The following PBX4 variants were observed in gnomAD, a reference collection of about 807,000 sequenced individuals.
PBX4 encodes PBX homeobox 4.
PBX4 carries 26 observed loss-of-function variants against 35.1 expected under a neutral mutation model. The ratio of observed to expected loss-of-function variants is 0.74; its 90% CI spans 0.54 to 1.03. The LOEUF (loss-of-function observed/expected upper bound fraction) is 1.03. Among genes scored for constraint, PBX4 ranks in the 50% least tolerant of loss-of-function variants. The probability of loss-of-function intolerance (pLI) is 0.00; values close to 1 mark genes in which losing one functional copy is unlikely to be tolerated. For synonymous variants in PBX4, 199 were observed against 204.2 expected (o/e 0.97, Z 0.22); for missense variants, 448 against 504.3 (o/e 0.89, Z 1.07).
intron 2 of PBX4, among the ~76,000 whole-genome samples, chr19:19,594,342 G>C (rs575456420): frequency 1.5e-3 from 229 of 151,120 alleles, no homozygotes; most frequent in Middle Eastern, 6.8e-3. Context: ...GAGGCAGTGA[G>C]CCGAGATTGC....
rs540412065 is a variant in PBX4 at position 19,594,475 on chromosome 19, G to A, written c.193+4817C>T. 6.6e-5 allele frequency among the ~76,000 whole-genome samples: 10 copies of A among 151,994 alleles called. No individual in the cohort carries two copies. The East Asian group carries it at 7.7e-4, about 12-fold the overall frequency. ...GGTAGGGAGGTGGGGCGACACCAGC[G>A]GTTGAAATGGACAGACATCTCAGCT... On this transcript the variant is annotated intron_variant, in intron 2 of 7. Transcript: ENST00000251203.
intron 1 of PBX4, among the ~76,000 whole-genome samples, chr19:19,614,873 G>T (rs2061680278): frequency 6.6e-6 from 1 of 151,738 alleles, no homozygotes; most frequent in African/African-American, 2.4e-5. Flanking sequence ...AAAATAGAAA[G>T]ATTAGTCCAG....
intron 2 of PBX4, among the ~76,000 whole-genome samples, chr19:19,597,990 ATGAC>A (rs762637269): frequency 4.6e-5 from 7 of 152,322 alleles, no homozygotes; most frequent in South Asian, 2.1e-4. Context: ...GTTCTACAAA[ATGAC>A]TGAGCGCTTC....
At chr19:19,578,066 T>C (rs1361843890) in intron 2 of PBX4, among the ~76,000 whole-genome samples, 2 of 144,002 alleles carry the variant, frequency 1.4e-5, no homozygotes, top group African/African-American at 5.2e-5. Context: ...GGCACAAGCC[T>C]GTAATCTCAG....
At chr19:19,610,870 T>C (rs539162141) in intron 1 of PBX4, among the ~76,000 whole-genome samples, 209 of 152,174 alleles carry the variant, frequency 1.4e-3, no homozygotes, top group Non-Finnish European at 2.3e-3. Flanking sequence ...GAAGAAAGAC[T>C]ACAAGGCACG....
Position 19,564,864 on chromosome 19 carries a change from C to T in PBX4, c.925+69G>A, listed in dbSNP as rs938010641. The T allele has an allele frequency of 6.3e-6, 10 of 1,590,036 alleles. No homozygotes were observed. The East Asian group carries it at 1.8e-4, about 29-fold the overall frequency. ...AAGGGAGATGTGGTCCCACTGTGGC[C>T]TCCCCAGATGCAGCTCAGTGGCCGT... On this transcript the variant is annotated intron_variant, in intron 6 of 7. Coordinates refer to ENST00000251203, the MANE Select transcript of PBX4 (RefSeq NM_025245.3).
chr19:19,566,825 C>T (rs1353541822), intron 5 of PBX4, among the ~76,000 whole-genome samples: 1 of 151,936 alleles, frequency 6.6e-6, no homozygotes, highest in African/African-American at 2.4e-5. Context: ...ATTCTCCTGC[C>T]TCAGCCTCCC....
intron 1 of PBX4, among the ~76,000 whole-genome samples, chr19:19,616,718 C>G (rs2061690931): frequency 6.6e-6 from 1 of 152,084 alleles, no homozygotes; most frequent in Non-Finnish European, 1.5e-5. Context: ...GAATCTCGCT[C>G]TGTCGCCCAG....
intron 5 of PBX4, among the ~76,000 whole-genome samples, chr19:19,567,606 G>A (rs2061350807): frequency 1.3e-5 from 2 of 152,174 alleles, no homozygotes; most frequent in African/African-American, 4.8e-5. Context: ...CACTCATGCT[G>A]CCACGGGGGT....
intron 5 of PBX4, 68 bp from the exon 6 acceptor site, chr19:19,565,157 G>T (rs939504694): frequency 6.9e-6 from 11 of 1,594,692 alleles, no homozygotes; most frequent in African/African-American, 6.7e-5. Context: ...CAGTCTGTGG[G>T]TTCCCTGGGG....
intron 2 of PBX4, among the ~76,000 whole-genome samples, chr19:19,585,736 A>G (rs1450802866): frequency 2.0e-5 from 3 of 152,184 alleles, no homozygotes; most frequent in Admixed American, 6.6e-5. Context: ...CCCACCCTTA[A>G]GAAGGTTCTT....
intron 2 of PBX4, among the ~76,000 whole-genome samples, chr19:19,589,185 T>C (rs1414965697): frequency 6.6e-6 from 1 of 152,024 alleles, no homozygotes; most frequent in Non-Finnish European, 1.5e-5. Flanking sequence ...TCCCAGCACG[T>C]TGAGAGGTCG....
chr19:19,573,978 C>T (rs1368473287), intron 2 of PBX4, among the ~76,000 whole-genome samples: 2 of 152,238 alleles, frequency 1.3e-5, no homozygotes, highest in Non-Finnish European at 2.9e-5. Context: ...GATCCACCCA[C>T]CTTGGCCTCC....
intron 1 of PBX4, among the ~76,000 whole-genome samples, chr19:19,611,423 G>A (rs2144792507): frequency 6.6e-6 from 1 of 152,228 alleles, no homozygotes; most frequent in South Asian, 2.1e-4. Context: ...GCTCACACCT[G>A]TAATCCCAGC....
chr19:19,596,362 G>GAATA (rs58051660), intron 2 of PBX4, among the ~76,000 whole-genome samples: 17,470 of 148,918 alleles, frequency 0.12, 3,091 homozygotes, highest in African/African-American at 0.39. Context: ...AACAGAGTGA[G>GAATA]AATAAATAAA....
rs143255555 is a variant in PBX4 at position 19,584,838 on chromosome 19, C to A, written c.194-14005G>T. Among the ~76,000 whole-genome samples, 131 of 151,788 alleles carry A rather than the reference C, an allele frequency of 8.6e-4. 2 individuals are homozygous for A. The East Asian group carries it at 0.025, about 29-fold the overall frequency. On this transcript the variant is annotated intron_variant, in intron 2 of 7. Transcript: ENST00000251203. ...ATGGGGTTTCACTATGTTGGCCAGG[C>A]TGGTCTCGAGCTCCTGACCTCGTGA...
At chr19:19,614,586 A>AGATCGCGCCACTGCACTCCAGCCT (rs1383204334) in intron 1 of PBX4, among the ~76,000 whole-genome samples, 4 of 151,652 alleles carry the variant, frequency 2.6e-5, no homozygotes, top group South Asian at 2.1e-4. Context: ...TCACTAGCCG[A>AGATCGCGCCACTGCACTCCAGCCT]GATCGCGCCA....
chr19:19,618,444 G>A (rs1288264993), intron 1 of PBX4, 67 bp downstream of exon 1: 5 of 1,314,900 alleles, frequency 3.8e-6, no homozygotes, highest in South Asian at 3.7e-5. Flanking sequence ...TCCACGCCCC[G>A]TCCCCTCAGC....
At chr19:19,601,646 C>G (rs1181535157) in intron 1 of PBX4, among the ~76,000 whole-genome samples, 4 of 152,134 alleles carry the variant, frequency 2.6e-5, no homozygotes, top group Admixed American at 6.6e-5. Flanking sequence ...AGGTAGAGAA[C>G]CTTTCCCAGA....
Sources: gnomAD v4.1 joint callset for allele counts (sites outside exome capture counted in the v4.1 genomes callset) on GRCh38, gnomAD v4.1.1 for gene constraint, MANE v1.5 for transcripts, NCBI Gene and HGNC (gene_info 2026-07-23, HGNC 2026-07-21) for gene names.